PBX1: variants seen among roughly 807,000 people sequenced by gnomAD.
The protein encoded by PBX1 is pre-B-cell leukemia transcription factor 1.
A neutral mutation model predicts 53.4 loss-of-function variants in PBX1; 6 were observed. That is an observed-to-expected ratio of 0.11 (90% CI 0.06 to 0.22). The LOEUF is 0.22. Among genes scored for constraint, PBX1 ranks in the 10% least tolerant of loss-of-function variants. PBX1 has a pLI of 1.00. For missense variants in PBX1, 251 were observed against 551.4 expected (o/e 0.46, Z 5.46); for synonymous variants, 204 against 212.3 (o/e 0.96, Z 0.34).
chr1:164,647,370 C>T (rs1402696738), intron 2 of PBX1, among the ~76,000 whole-genome samples: 9 of 152,180 alleles, frequency 5.9e-5, no homozygotes, highest in Admixed American at 5.9e-4. Flanking sequence ...CCACTACAGC[C>T]AAAGGAGGAA....
intron 2 of PBX1, among the ~76,000 whole-genome samples, chr1:164,778,996 A>C (rs542269367): frequency 6.6e-6 from 1 of 152,136 alleles, no homozygotes; most frequent in Admixed American, 6.5e-5. Flanking sequence ...AAAAAGGGTT[A>C]ATAATACCCC....
At chr1:164,697,096 T>C (rs1211875327) in intron 2 of PBX1, among the ~76,000 whole-genome samples, 1 of 152,180 alleles carries the variant, frequency 6.6e-6, no homozygotes, top group Non-Finnish European at 1.5e-5. Context: ...ATAGCTAATA[T>C]TAATTTAGGG....
At chr1:164,820,572 T>C (rs1010679705) in intron 7 of PBX1, among the ~76,000 whole-genome samples, 3 of 152,140 alleles carry the variant, frequency 2.0e-5, no homozygotes, top group Non-Finnish European at 1.5e-5. Flanking sequence ...ATATTTACCA[T>C]ATAAAGAGGC....
chr1:164,829,170 A>G (rs542798756), intron 8 of PBX1: 1 of 152,246 alleles, frequency 6.6e-6, no homozygotes, highest in Non-Finnish European at 1.5e-5. Context: ...TGGTTCAGTT[A>G]TCTGATTCTC....
intron 2 of PBX1, among the ~76,000 whole-genome samples, chr1:164,883,755 T>C (rs1672714536): frequency 6.6e-6 from 1 of 152,224 alleles, no homozygotes; most frequent in South Asian, 2.1e-4. Flanking sequence ...TAATGCTTCA[T>C]GTCTTTGAGC....
intron 5 of PBX1, among the ~76,000 whole-genome samples, chr1:164,809,642 G>A (rs1367399571): frequency 1.3e-5 from 2 of 152,116 alleles, no homozygotes; most frequent in Non-Finnish European, 2.9e-5. Context: ...AATTCCCAAA[G>A]CCAGGGAATA....
At chr1:164,694,789 C>T (rs1210361658) in intron 2 of PBX1, among the ~76,000 whole-genome samples, 2 of 152,140 alleles carry the variant, frequency 1.3e-5, no homozygotes, top group Non-Finnish European at 2.9e-5. Flanking sequence ...CACTTTATGC[C>T]AAGACTTATA....
At chr1:164,594,937 G>T (rs746903445) in intron 2 of PBX1, among the ~76,000 whole-genome samples, 1 of 152,202 alleles carries the variant, frequency 6.6e-6, no homozygotes, top group Non-Finnish European at 1.5e-5. Flanking sequence ...TGGCAGAAAT[G>T]AAACACGTCT....
intron 2 of PBX1, among the ~76,000 whole-genome samples, chr1:164,635,590 G>A (rs201650852): frequency 1.1e-4 from 16 of 152,236 alleles, no homozygotes; most frequent in South Asian, 8.3e-4. Flanking sequence ...CCATTCTCCC[G>A]CTCGTCTCGC....
chr1:164,709,781 C>T (rs1405219331), intron 2 of PBX1, among the ~76,000 whole-genome samples: 1 of 152,232 alleles, frequency 6.6e-6, no homozygotes, highest in Non-Finnish European at 1.5e-5. Flanking sequence ...CGTCATCTTT[C>T]CCTTTTGAAT....
At chr1:164,881,510 C>T (rs1316152390) in intron 2 of PBX1, among the ~76,000 whole-genome samples, 1 of 143,268 alleles carries the variant, frequency 7.0e-6, no homozygotes, top group Non-Finnish European at 1.5e-5. Flanking sequence ...CGTATAAATG[C>T]CAGTTGATAT....
At chr1:164,811,184 G>T (rs1004211822) in intron 5 of PBX1, among the ~76,000 whole-genome samples, 1 of 152,154 alleles carries the variant, frequency 6.6e-6, no homozygotes, top group Non-Finnish European at 1.5e-5. Flanking sequence ...AATTATGGGG[G>T]TAAAACTTGA....
intron 2 of PBX1, among the ~76,000 whole-genome samples, chr1:164,640,566 T>A (rs1234517983): frequency 6.7e-6 from 1 of 148,880 alleles, no homozygotes; most frequent in Non-Finnish European, 1.5e-5. Flanking sequence ...GTGTTTTTTT[T>A]TTTTTTTTTA....
intron 2 of PBX1, among the ~76,000 whole-genome samples, chr1:164,646,661 A>G (rs928245662): frequency 6.6e-6 from 1 of 152,208 alleles, no homozygotes; most frequent in African/African-American, 2.4e-5. Context: ...ATTTGTTAGG[A>G]TATGTCCCTG....
At chr1:164,825,844 T>G (rs1355865787) in intron 8 of PBX1, among the ~76,000 whole-genome samples, 1 of 152,198 alleles carries the variant, frequency 6.6e-6, no homozygotes, top group African/African-American at 2.4e-5. Flanking sequence ...TATATATACC[T>G]GTTTGTAGGA....
chr1:164,828,925 G>A (rs1168997589), intron 8 of PBX1: 1 of 151,852 alleles, frequency 6.6e-6, no homozygotes, highest in Non-Finnish European at 1.5e-5. Context: ...TTTTAAAATT[G>A]GTAATTTTTA....
chr1:164,776,224 G>A lies in PBX1; in HGVS notation c.266-16270G>A, dbSNP rs76014249. On this transcript the variant is annotated intron_variant, in intron 2 of 8. Coordinates refer to ENST00000420696, the MANE Select transcript of PBX1 (RefSeq NM_002585.4). ...TGTTAGGTATTTATCATAGCTCATT[G>A]TACGTGGGTTCCTTCCCAGGTACCT... is the stretch of plus-strand genomic sequence containing the variant. Among the ~76,000 whole-genome samples the A allele has an allele frequency of 3.1e-3, 478 of 152,282 alleles. 9 individuals are homozygous for A. In the East Asian group the frequency reaches 0.054, roughly 17 times the overall value.
chr1:164,627,804 T>G (rs1186407192), intron 2 of PBX1, among the ~76,000 whole-genome samples: 1 of 152,156 alleles, frequency 6.6e-6, no homozygotes, highest in Non-Finnish European at 1.5e-5. Flanking sequence ...TCTTTTGTAT[T>G]TTTTTTCTCC....
At chr1:164,852,025 C>T (rs1421610571), downstream of PBX1, among the ~76,000 whole-genome samples, 1 of 152,128 alleles carries the variant, frequency 6.6e-6, no homozygotes, top group Non-Finnish European at 1.5e-5. Context: ...AAGGAAGGAT[C>T]ATTTGTGGGT....
Sources: gnomAD v4.1 joint callset for allele counts (sites outside exome capture counted in the v4.1 genomes callset) on GRCh38, gnomAD v4.1.1 for gene constraint, MANE v1.5 for transcripts, NCBI Gene and HGNC (gene_info 2026-07-23, HGNC 2026-07-21) for gene names.